Variants in CLSTN2 observed in about 807,000 individuals in gnomAD.
The protein encoded by CLSTN2 is calsyntenin-2.
Under a neutral mutation model 101.2 loss-of-function variants are expected in CLSTN2, and 48 were observed. The ratio of observed to expected loss-of-function variants is 0.47; its 90% CI spans 0.38 to 0.60. CLSTN2 has a LOEUF of 0.60. CLSTN2 is among the 20% of genes least tolerant of loss of function. The pLI, the probability that CLSTN2 is intolerant of heterozygous loss-of-function variation, is 0.00. For synonymous variants in CLSTN2, 481 were observed against 463.6 expected, an observed-to-expected ratio of 1.04 and a Z score of -0.48; for missense variants, 1,160 against 1,238.2, an observed-to-expected ratio of 0.94 and a Z score of 0.95.
At chr3:140,089,354 C>T (rs2008736394) in intron 1 of CLSTN2, among the ~76,000 whole-genome samples, 1 of 152,138 alleles carries the variant, frequency 6.6e-6, no homozygotes, top group Non-Finnish European at 1.5e-5. Flanking sequence ...TATGTGGCTT[C>T]TGAGTGCCCT....
intron 1 of CLSTN2, among the ~76,000 whole-genome samples, chr3:139,997,963 T>TC: frequency 6.6e-6 from 1 of 152,256 alleles, no homozygotes; most frequent in South Asian, 2.1e-4. Flanking sequence ...GACCCTGGAG[T>TC]TATAGGGCAC....
intron 2 of CLSTN2, among the ~76,000 whole-genome samples, chr3:140,251,659 C>G (rs1414492728): frequency 2.3e-5 from 2 of 85,406 alleles, no homozygotes; most frequent in Non-Finnish European, 5.0e-5. Context: ...TCCCCTCCTT[C>G]CCTTTTTCCT....
intron 12 of CLSTN2, among the ~76,000 whole-genome samples, chr3:140,559,597 G>A (rs1935869869): frequency 6.6e-6 from 1 of 151,924 alleles, no homozygotes; most frequent in African/African-American, 2.4e-5. Flanking sequence ...ACTGGGAAAG[G>A]AACAAGGGAG....
At chr3:140,323,343 G>C (rs112077755) in intron 2 of CLSTN2, among the ~76,000 whole-genome samples, 1 of 152,166 alleles carries the variant, frequency 6.6e-6, no homozygotes, top group Non-Finnish European at 1.5e-5. Flanking sequence ...GTCTGGACCC[G>C]TCTCCTCTTC....
intron 1 of CLSTN2, among the ~76,000 whole-genome samples, chr3:139,998,944 G>A (rs1464983119): frequency 1.3e-5 from 2 of 152,024 alleles, no homozygotes; most frequent in Middle Eastern, 3.2e-3. Context: ...ACCTCTGATG[G>A]GAAGAGCAGG....
intron 8 of CLSTN2, among the ~76,000 whole-genome samples, chr3:140,526,751 G>A (rs889159532): frequency 2.0e-5 from 3 of 152,016 alleles, no homozygotes; most frequent in Non-Finnish European, 4.4e-5. Flanking sequence ...TAGACCAATG[G>A]AACAGAATAC....
chr3:140,510,131 A>G (rs986153898), intron 8 of CLSTN2, among the ~76,000 whole-genome samples: 1 of 152,202 alleles, frequency 6.6e-6, no homozygotes, highest in African/African-American at 2.4e-5. Context: ...TGAAAACTAT[A>G]TTGAAAGTCA....
chr3:140,561,932 A>C (rs560726444), intron 12 of CLSTN2, among the ~76,000 whole-genome samples: 2 of 152,172 alleles, frequency 1.3e-5, no homozygotes, highest in South Asian at 4.2e-4. Flanking sequence ...TGTTCCCACT[A>C]ATTCATGCTA....
intron 4 of CLSTN2, among the ~76,000 whole-genome samples, chr3:140,407,475 G>A (rs1434587843): frequency 6.6e-6 from 1 of 152,154 alleles, no homozygotes; most frequent in Non-Finnish European, 1.5e-5. Context: ...TCCTCCCCAT[G>A]AAATTATGGC....
At chr3:140,415,127 A>G (rs975382069) in intron 4 of CLSTN2, among the ~76,000 whole-genome samples, 1 of 152,102 alleles carries the variant, frequency 6.6e-6, no homozygotes, top group African/African-American at 2.4e-5. Context: ...AAAACTGGAT[A>G]TCCACAAGCA....
intron 2 of CLSTN2, among the ~76,000 whole-genome samples, chr3:140,300,227 G>C (rs2087045136): frequency 6.6e-6 from 1 of 152,200 alleles, no homozygotes; most frequent in African/African-American, 2.4e-5. Context: ...TCAAGTTCCT[G>C]ATGCAGGGCT....
intron 1 of CLSTN2, among the ~76,000 whole-genome samples, chr3:140,166,705 T>G (rs1251762575): frequency 1.3e-5 from 2 of 152,118 alleles, no homozygotes; most frequent in African/African-American, 4.8e-5. Flanking sequence ...AAGACCTAAT[T>G]TCTGTGTAAA....
intron 1 of CLSTN2, among the ~76,000 whole-genome samples, chr3:140,154,186 T>A (rs2009912651): frequency 6.6e-6 from 1 of 152,064 alleles, no homozygotes; most frequent in East Asian, 1.9e-4. Context: ...TCAGATGGGG[T>A]CTTCAAGAAG....
chr3:140,459,954 G>A lies in CLSTN2; in HGVS notation c.1222+185G>A, dbSNP rs190037951. ...GCTGATTTTCCAGGCTTGGCTTGAC[G>A]TAGAGCAGGAGCAGAAAAGTGGGGA... On this transcript the variant is annotated intron_variant, in intron 7 of 16. Transcript: ENST00000458420. 3.7e-3 allele frequency among the ~76,000 whole-genome samples: 569 copies of A among 152,226 alleles called. 4 individuals are homozygous for A. Among genetic ancestry groups the A allele is most frequent in the Middle Eastern group, 0.031 (9 of 294 alleles).
chr3:140,164,141 A>G (rs2010096174), intron 1 of CLSTN2, among the ~76,000 whole-genome samples: 1 of 152,178 alleles, frequency 6.6e-6, no homozygotes, highest in South Asian at 2.1e-4. Flanking sequence ...GCATTAAACA[A>G]TCACAGTCCC....
At chr3:140,436,874 G>A (rs1431245110) in intron 5 of CLSTN2, among the ~76,000 whole-genome samples, 1 of 152,132 alleles carries the variant, frequency 6.6e-6, no homozygotes, top group Non-Finnish European at 1.5e-5. Context: ...TCTTGTTTTA[G>A]TAACAAGGCT....
intron 4 of CLSTN2, among the ~76,000 whole-genome samples, chr3:140,413,242 G>A (rs1454318447): frequency 6.6e-6 from 1 of 152,010 alleles, no homozygotes; most frequent in Non-Finnish European, 1.5e-5. Flanking sequence ...AATTTTCAAA[G>A]GATGGTAAGA....
intron 1 of CLSTN2, among the ~76,000 whole-genome samples, chr3:140,093,282 A>G (rs897169697): frequency 6.6e-6 from 1 of 152,148 alleles, no homozygotes; most frequent in African/African-American, 2.4e-5. Flanking sequence ...GTAAATGACA[A>G]TTGAAGTAAT....
At chr3:140,361,956 T>G (rs1370607900) in intron 2 of CLSTN2, among the ~76,000 whole-genome samples, 1 of 152,184 alleles carries the variant, frequency 6.6e-6, no homozygotes, top group African/African-American at 2.4e-5. Context: ...GGTAGGCTTT[T>G]TTGCAGAAAT....
Sources: allele counts gnomAD v4.1 joint callset (sites outside exome capture counted in the v4.1 genomes callset), GRCh38; gene constraint gnomAD v4.1.1; transcripts MANE v1.5; gene names NCBI Gene and HGNC (gene_info 2026-07-23, HGNC 2026-07-21).